Variants in CCSER1 observed in about 807,000 individuals in gnomAD.
CCSER1 encodes the protein coiled-coil serine rich protein 1.
CCSER1 carries 41 observed loss-of-function variants against 82.0 expected under a neutral mutation model. The ratio of observed to expected loss-of-function variants is 0.50; its 90% CI spans 0.39 to 0.65. The LOEUF (loss-of-function observed/expected upper bound fraction) is 0.65. Ranked by LOEUF, CCSER1 falls within the 30% of genes least tolerant of loss-of-function variation. The probability of loss-of-function intolerance (pLI) is 0.00; values close to 1 mark genes in which losing one functional copy is unlikely to be tolerated. For synonymous variants in CCSER1, 414 were observed against 383.9 expected, an observed-to-expected ratio of 1.08 and a Z score of -0.92; for missense variants, 1,119 against 1,064.2, an observed-to-expected ratio of 1.05 and a Z score of -0.72.
chr4:90,490,734 A>T (rs1767876121), intron 5 of CCSER1, among the ~76,000 whole-genome samples: 1 of 152,100 alleles, frequency 6.6e-6, no homozygotes, highest in African/African-American at 2.4e-5. Flanking sequence ...TCAGCTTTCT[A>T]CATATGGCTA....
At chr4:90,196,362 G>A (rs1736609255) in intron 1 of CCSER1, among the ~76,000 whole-genome samples, 1 of 151,926 alleles carries the variant, frequency 6.6e-6, no homozygotes, top group Admixed American at 6.6e-5. Flanking sequence ...TCCAGATAGT[G>A]GGATACTGAT....
chr4:90,784,619 A>T (rs1198397509), intron 7 of CCSER1, among the ~76,000 whole-genome samples: 1 of 152,160 alleles, frequency 6.6e-6, no homozygotes, highest in Admixed American at 6.5e-5. Context: ...CTAGTTTGTT[A>T]TGCATATACC....
intron 5 of CCSER1, among the ~76,000 whole-genome samples, chr4:90,520,755 G>A (rs1255818923): frequency 6.6e-6 from 1 of 152,114 alleles, no homozygotes; most frequent in East Asian, 1.9e-4. Flanking sequence ...AACATGTGAT[G>A]CAAATTTAGG....
rs187849997 is a variant in CCSER1, at chr4:91,283,497, C to T, written c.2217+197503C>T. Among the ~76,000 whole-genome samples the T allele has an allele frequency of 6.4e-4, 97 of 152,212 alleles. No individual in the cohort carries two copies. The Middle Eastern group carries it at 0.017, about 27-fold the overall frequency. On this transcript the variant is annotated intron_variant, in intron 10 of 10. Transcript: ENST00000509176. ...CAAGGGAACCTACTTTTTAAGGAGG[C>T]CACTTCATAAATATCATGTGTGTTC...
intron 10 of CCSER1, among the ~76,000 whole-genome samples, chr4:91,184,390 A>G (rs1234417159): frequency 1.3e-5 from 2 of 152,200 alleles, no homozygotes; most frequent in African/African-American, 2.4e-5. Context: ...TTTTAAATCT[A>G]TGACTATTAA....
intron 6 of CCSER1, among the ~76,000 whole-genome samples, chr4:90,674,980 G>A (rs900616092): frequency 6.6e-6 from 1 of 151,962 alleles, no homozygotes; most frequent in African/African-American, 2.4e-5. Context: ...TTCAGTAAAT[G>A]CAGCATATGC....
At chr4:90,890,141 A>C (rs1392751259) in intron 8 of CCSER1, among the ~76,000 whole-genome samples, 1 of 152,214 alleles carries the variant, frequency 6.6e-6, no homozygotes, top group Non-Finnish European at 1.5e-5. Flanking sequence ...CAGTGATTAT[A>C]AGAAACAACA....
chr4:90,359,964 G>A (rs1289013347), intron 3 of CCSER1, among the ~76,000 whole-genome samples: 1 of 147,120 alleles, frequency 6.8e-6, no homozygotes, highest in Non-Finnish European at 1.5e-5. Flanking sequence ...TGTTGCCCTG[G>A]CTGGTGTGTG....
At chr4:91,456,821 G>T (rs1756204276) in intron 10 of CCSER1, among the ~76,000 whole-genome samples, 1 of 151,940 alleles carries the variant, frequency 6.6e-6, no homozygotes, top group Non-Finnish European at 1.5e-5. Context: ...TATTTTTATT[G>T]AATCTAATAA....
intron 10 of CCSER1, among the ~76,000 whole-genome samples, chr4:91,523,238 T>C (rs573782399): frequency 4.6e-5 from 7 of 152,200 alleles, no homozygotes; most frequent in Non-Finnish European, 1.0e-4. Flanking sequence ...TTGATCATGG[T>C]GGATAAGCTT....
intron 5 of CCSER1, among the ~76,000 whole-genome samples, chr4:90,597,090 A>G (rs1783432572): frequency 6.6e-6 from 1 of 152,042 alleles, no homozygotes; most frequent in Non-Finnish European, 1.5e-5. Flanking sequence ...AATGTAACGT[A>G]TATTTCTACA....
chr4:91,287,637 A>C (rs59793049), intron 10 of CCSER1, among the ~76,000 whole-genome samples: 12,998 of 152,008 alleles, frequency 0.086, 1,764 homozygotes, highest in African/African-American at 0.29. Context: ...GGAACAAAAG[A>C]AAGTGCATTG....
At chr4:90,892,247 C>T (rs1042928343) in intron 8 of CCSER1, among the ~76,000 whole-genome samples, 1 of 151,748 alleles carries the variant, frequency 6.6e-6, no homozygotes, top group Admixed American at 6.6e-5. Flanking sequence ...TCTTTACTGG[C>T]AGTAGACCTT....
chr4:91,272,015 A>T (rs1742074958), intron 10 of CCSER1, among the ~76,000 whole-genome samples: 1 of 152,182 alleles, frequency 6.6e-6, no homozygotes, highest in South Asian at 2.1e-4. Context: ...ACATTGATTG[A>T]CTGGCAGTTG....
rs112192037 is a variant in CCSER1, at chr4:90,694,797, G to GGTGTGTGTGT, written c.1933-29096_1933-29087dup. On this transcript the variant is annotated intron_variant, in intron 6 of 10. Coordinates refer to ENST00000509176, the MANE Select transcript of CCSER1 (RefSeq NM_001145065.2). ...TTCTCAATGCACGATGTGTGTGTGGGGTGTGTGTGTGTGTGTGTGTGTGTG... is the reference window on the plus strand; with the variant it reads ...TTCTCAATGCACGATGTGTGTGTGGGGTGTGTGTGTGTGTGTGTGTGTGTGTGTGTGTGTG... Among the ~76,000 whole-genome samples, 1,323 of 145,430 alleles carry GGTGTGTGTGT rather than the reference G, an allele frequency of 9.1e-3. 21 individuals are homozygous for GGTGTGTGTGT. Among genetic ancestry groups the GGTGTGTGTGT allele is most frequent in the African/African-American group, 0.03 (1,190 of 39,900 alleles).
intron 7 of CCSER1, among the ~76,000 whole-genome samples, chr4:90,767,798 G>A (rs1467682934): frequency 6.6e-6 from 1 of 152,068 alleles, no homozygotes; most frequent in East Asian, 1.9e-4. Flanking sequence ...CTCCTGAGTA[G>A]CTGGAACTAC....
chr4:90,408,054 G>T (rs1040205036), intron 4 of CCSER1, among the ~76,000 whole-genome samples: 6 of 152,206 alleles, frequency 3.9e-5, no homozygotes, highest in Non-Finnish European at 8.8e-5. Flanking sequence ...AGCAGTCTAA[G>T]ATCAAACTGC....
At chr4:90,312,584 AG>A (rs1393310213) in intron 2 of CCSER1, among the ~76,000 whole-genome samples, 2 of 152,286 alleles carry the variant, frequency 1.3e-5, no homozygotes, top group Admixed American at 6.5e-5. Flanking sequence ...GAGAGGTAGA[AG>A]GAATCAGATT....
At chr4:90,633,435 T>C (rs1560850892) in intron 6 of CCSER1, among the ~76,000 whole-genome samples, 1 of 152,012 alleles carries the variant, frequency 6.6e-6, no homozygotes, top group Non-Finnish European at 1.5e-5. Context: ...ATGGTAGATA[T>C]AATTTCCTGA....
Sources: allele counts gnomAD v4.1 joint callset (sites outside exome capture counted in the v4.1 genomes callset), GRCh38; gene constraint gnomAD v4.1.1; transcripts MANE v1.5; gene names NCBI Gene and HGNC (gene_info 2026-07-23, HGNC 2026-07-21).